Variants in NID1 observed in about 807,000 individuals in gnomAD.
NID1 encodes the protein nidogen 1.
Under a neutral mutation model 130.6 loss-of-function variants are expected in NID1, and 76 were observed. The ratio of observed to expected loss-of-function variants is 0.58; its 90% CI spans 0.48 to 0.70. NID1 has a LOEUF of 0.70. NID1 is among the 30% of genes least tolerant of loss of function. The probability of loss-of-function intolerance (pLI) is 0.00; values close to 1 mark genes in which losing one functional copy is unlikely to be tolerated. For synonymous variants in NID1, 665 were observed against 675.1 expected (o/e 0.98, Z 0.23); for missense variants, 1,517 against 1,664.8 (o/e 0.91, Z 1.54).
chr1:235,977,556 T>C lies in NID1; in HGVS notation c.*311A>G. 1 of 250,304 alleles carries C rather than the reference T, an allele frequency of 4.0e-6. No individual in the cohort carries two copies. The allele number at this position is 250,304 out of a possible 1,614,324, so 15.5% of individuals were successfully genotyped here. On this transcript the variant is annotated 3_prime_UTR_variant, in exon 20 of 20. Transcript: ENST00000264187. The stretch of plus-strand genomic sequence containing the variant: ...GAGGTTCTGTTCACCACTGGGGGGC[T>C]AGTATTGGGAAAAGGTCCTAGGACA...
intron 7 of NID1, among the ~76,000 whole-genome samples, chr1:236,028,422 C>T (rs187658493): frequency 3.9e-5 from 6 of 152,218 alleles, no homozygotes; most frequent in Non-Finnish European, 8.8e-5. Flanking sequence ...GTGGGAGGCT[C>T]ACTTGAGCCC....
At position 235,990,906 on chromosome 1, in the gene NID1, T is replaced by C. The variant is rs16833060; in HGVS notation, c.2908A>G (p.Lys970Glu). 7.9e-4 allele frequency: 1,271 copies of C among 1,614,094 alleles called. 9 individuals are homozygous for C. In the African/African-American group the frequency reaches 0.015, roughly 19 times the overall value. ...EGNTMRKTEA[K>E]AFLHVPAKVI... is the part of the protein sequence containing the mutation. Reference sequence around the variant, plus strand: ...CTCACCGGGACATGAAGGAACGCCTTTGCTTCTGTCTTCCTCATGGTATTT... The same window carrying C: ...CTCACCGGGACATGAAGGAACGCCTCTGCTTCTGTCTTCCTCATGGTATTT... The change falls in exon 14 of 20, where the codon AAG (lysine) becomes GAG (glutamate). Residue 970 changes from lysine (K) to glutamate (E), a missense_variant. By Grantham distance (56) the Lys-to-Glu change is moderately conservative. Coordinates refer to ENST00000264187, the MANE Select transcript of NID1 (RefSeq NM_002508.3).
chr1:236,019,255 T>C (rs1368839243), intron 9 of NID1, among the ~76,000 whole-genome samples: 1 of 152,060 alleles, frequency 6.6e-6, no homozygotes, highest in Non-Finnish European at 1.5e-5. Context: ...CGCTGCAACA[T>C]GGGAGAAAAA....
chr1:235,994,023 G>A (rs540295245), intron 12 of NID1, 151 bp from the exon 13 acceptor site: 1 of 641,406 alleles, frequency 1.6e-6, no homozygotes, highest in African/African-American at 1.8e-5. Flanking sequence ...TCAAAATGCA[G>A]AAACATCATT....
intron 19 of NID1, 84 bp downstream of exon 19, chr1:235,978,911 G>T: frequency 1.1e-6 from 1 of 871,922 alleles, no homozygotes. Flanking sequence ...GGCTACTAGT[G>T]GCCATACGGG....
At position 235,979,037 on chromosome 1, in the gene NID1, G is replaced by A. The variant is rs370858734; in HGVS notation, c.3580C>T (p.Arg1194Trp). 16 of 1,613,800 alleles carry A rather than the reference G, an allele frequency of 9.9e-6. No individual in the cohort carries two copies. The highest frequency in any genetic ancestry group is 1.3e-5 in the African/African-American group (1 of 74,852). The change falls in exon 19 of 20, where the codon CGG (arginine) becomes TGG (tryptophan). Residue 1194 changes from arginine (R) to tryptophan (W), a missense_variant. By Grantham distance (101) the Arg-to-Trp change is moderately radical (BLOSUM62 -3). This residue lies in a region of NID1 where 181 missense variants were observed against 211.3 expected (regional missense o/e 0.86). Transcript: ENST00000264187. This position sits in a 1 kb window ranked among gnomAD's most constrained non-coding sequence, Gnocchi z 4.6. Reference sequence around the variant, plus strand: ...AGGGCCGTGGTGATGCCATACAGCCGGGTCTGCTTGTGGGGTTGGAAAGCA... The same window carrying A: ...AGGGCCGTGGTGATGCCATACAGCCAGGTCTGCTTGTGGGGTTGGAAAGCA... Reference protein sequence around the residue: ...TDAFQPHKQTRLYGITTALSQ... With the variant: ...TDAFQPHKQTWLYGITTALSQ...
intron 9 of NID1, among the ~76,000 whole-genome samples, chr1:236,018,578 C>T (rs973985473): frequency 2.0e-5 from 3 of 152,160 alleles, no homozygotes; most frequent in African/African-American, 7.2e-5. Context: ...GTTATGTGGC[C>T]ACTGATGGGT....
intron 4 of NID1, among the ~76,000 whole-genome samples, chr1:236,039,013 T>TGTAC (rs1659360017): frequency 8.5e-6 from 1 of 117,210 alleles, no homozygotes; most frequent in East Asian, 2.5e-4. Context: ...ATATATAATA[T>TGTAC]ATATTTACAT....
intron 2 of NID1, among the ~76,000 whole-genome samples, chr1:236,046,742 CA>C (rs1659613399): frequency 1.0e-5 from 1 of 96,122 alleles, no homozygotes; most frequent in Non-Finnish European, 2.6e-5. Flanking sequence ...AGGCATTTAT[CA>C]CCCAAGTGAA....
intron 1 of NID1, among the ~76,000 whole-genome samples, chr1:236,060,197 T>G (rs1660002914): frequency 6.6e-6 from 1 of 152,160 alleles, no homozygotes; most frequent in Admixed American, 6.5e-5. Context: ...GATGATATGC[T>G]AAACAAGGGG....
At chr1:236,046,183 G>A (rs768156980) in intron 2 of NID1, among the ~76,000 whole-genome samples, 9 of 152,176 alleles carry the variant, frequency 5.9e-5, no homozygotes, top group Admixed American at 2.0e-4. Context: ...TGACTTGGGC[G>A]TGATACTTGA....
chr1:236,033,904 T>G (rs765043868), intron 5 of NID1, among the ~76,000 whole-genome samples: 3 of 152,210 alleles, frequency 2.0e-5, no homozygotes, highest in Non-Finnish European at 4.4e-5. Flanking sequence ...GTTTGTTGTA[T>G]TCAAATAAGA....
rs1440624028 is a variant in NID1, at chr1:236,029,730, C to T, written c.1558G>A (p.Ala520Thr). The change falls in exon 7 of 20, where the codon GCT becomes ACT. Residue 520 changes from alanine to threonine, a missense_variant. This residue lies in a region of NID1 where 1,329 missense variants were observed against 1,429.2 expected (regional missense o/e 0.93). Transcript: ENST00000264187. ...GGGTGCCCCACGAAGGTCACCTCAG[C>T]CTGGCGAGTGAACTCACCCCCTGAA... ...SITGGEFTRQAEVTFVGHPGN... is the reference protein window; with the variant it reads ...SITGGEFTRQTEVTFVGHPGN... 1 of 1,614,136 alleles carries T rather than the reference C, an allele frequency of 6.2e-7. No homozygotes were observed. The highest frequency in any genetic ancestry group is 8.5e-7 in the Non-Finnish European group (1 of 1,180,036).
Position 236,045,658 on chromosome 1 carries a change from G to T in NID1, c.551C>A (p.Ala184Asp). The change falls in exon 3 of 20, where the codon GCC becomes GAC. Residue 184 changes from alanine (A) to aspartate (D), a missense_variant. Ala to Asp is a moderately radical substitution (Grantham distance 126). Around this residue, in one of 3 missense-constraint regions of NID1, gnomAD observed 1,329 missense variants for 1,429.2 expected, o/e 0.93. Coordinates refer to ENST00000264187, the MANE Select transcript of NID1 (RefSeq NM_002508.3). ...GGCATAGGAGCTGGAATCAGAGGAG[G>T]CTAGAACAGCCTGGAACGTGTTTCT... Reference protein sequence around the residue: ...GKRNTFQAVLASSDSSSYAIF... With the variant: ...GKRNTFQAVLDSSDSSSYAIF... 1.2e-6 allele frequency: 2 copies of T among 1,613,846 alleles called. No individual in the cohort carries two copies. The highest frequency in any genetic ancestry group is 1.7e-6 in the Non-Finnish European group (2 of 1,179,820).
At chr1:235,981,585 G>T (rs199709688) in intron 16 of NID1, 26 bp downstream of exon 16, 1 of 1,596,296 alleles carries the variant, frequency 6.3e-7, no homozygotes, top group African/African-American at 1.3e-5. Context: ...TCAAAGAGAT[G>T]CACACACATA....
intron 2 of NID1, among the ~76,000 whole-genome samples, chr1:236,047,454 G>A (rs1162304582): frequency 6.6e-6 from 1 of 152,026 alleles, no homozygotes; most frequent in Non-Finnish European, 1.5e-5. Flanking sequence ...AGTCACTTCA[G>A]GTCTAACAAC....
chr1:236,048,596 T>C (rs1207765244), intron 2 of NID1, 94 bp downstream of exon 2: 2 of 1,366,366 alleles, frequency 1.5e-6, no homozygotes, highest in Admixed American at 2.6e-5. Flanking sequence ...ATCAATGGTG[T>C]ATAACTTATG....
chr1:236,027,947 G>A (rs1658988006), intron 7 of NID1, among the ~76,000 whole-genome samples: 1 of 151,934 alleles, frequency 6.6e-6, no homozygotes, highest in Non-Finnish European at 1.5e-5. Context: ...GTCTCTACAT[G>A]AGCAAGACAC....
In NID1 at chr1:236,042,156, C is replaced by G. The variant is rs1351837091; in HGVS notation, c.889G>C (p.Asp297His). The change falls in exon 4 of 20, where the codon GAC becomes CAC. Residue 297 changes from aspartate (D) to histidine (H), a missense_variant. Around this residue, in one of 3 missense-constraint regions of NID1, gnomAD observed 1,329 missense variants for 1,429.2 expected, o/e 0.93. Transcript: ENST00000264187. ...AEYDDEDEDY[D>H]LATTRLGLED... ...AGGCCCAGACGAGTGGTCGCCAGGT[C>G]ATAATCTTCATCCTCATCATCATAC... The G allele has an allele frequency of 6.2e-7, 1 of 1,614,080 alleles. No homozygotes were observed. The highest frequency in any genetic ancestry group is 2.2e-5 in the East Asian group (1 of 44,884).
Sources: gnomAD v4.1 joint callset for allele counts (sites outside exome capture counted in the v4.1 genomes callset) on GRCh38, gnomAD v4.1.1 for gene constraint, gnomAD v4.1.1 regional missense constraint, Gnocchi (gnomAD v3.1) non-coding constraint, MANE v1.5 for transcripts, NCBI Gene and HGNC (gene_info 2026-07-23, HGNC 2026-07-21) for gene names.